The following EXOC5 variants were observed in gnomAD, a reference collection of about 807,000 sequenced individuals.
The protein encoded by EXOC5 is exocyst complex component 5.
In EXOC5, 17 loss-of-function variants were observed where a neutral mutation model predicts 90.8. The ratio of observed to expected loss-of-function variants is 0.19; its 90% CI spans 0.13 to 0.28. The LOEUF (loss-of-function observed/expected upper bound fraction) is 0.28, where lower values mean the gene tolerates loss of function less well. Ranked by LOEUF, EXOC5 falls within the 10% of genes least tolerant of loss-of-function variation. EXOC5 has a pLI of 1.00. For missense variants in EXOC5, 569 were observed against 830.6 expected (o/e 0.69, Z 3.87); for synonymous variants, 260 against 270.0 (o/e 0.96, Z 0.36).
At chr14:57,227,728 T>G (rs1045957993) in intron 12 of EXOC5, among the ~76,000 whole-genome samples, 3 of 152,186 alleles carry the variant, frequency 2.0e-5, no homozygotes, top group African/African-American at 7.2e-5. Context: ...GTAAACTGCG[T>G]ATGCGTATTC....
At chr14:57,220,065 T>C (rs182581650) in intron 13 of EXOC5, among the ~76,000 whole-genome samples, 1 of 152,208 alleles carries the variant, frequency 6.6e-6, no homozygotes, top group African/African-American at 2.4e-5. Flanking sequence ...TTTATGTTTC[T>C]AGCTAAAAGT....
chr14:57,239,581 A>T lies in EXOC5; in HGVS notation c.530+14T>A. On this transcript the variant is annotated intron_variant, in intron 5 of 17. Coordinates refer to ENST00000621441, the MANE Select transcript of EXOC5 (RefSeq NM_006544.4). The stretch of plus-strand genomic sequence containing the variant: ...TACCACATATTCAAATTAGCTCTTG[A>T]GAAATGAACTTGCCTATCAAAAGGT... 1 of 1,405,712 alleles carries T rather than the reference A, an allele frequency of 7.1e-7. No individual in the cohort carries two copies. The highest frequency in any genetic ancestry group is 9.7e-7 in the Non-Finnish European group (1 of 1,026,158). 87.1% of individuals were successfully genotyped at this position (1,405,712 alleles called of 1,614,324 possible).
chr14:57,237,820 T>C (rs1388153260), intron 5 of EXOC5: 3 of 152,798 alleles, frequency 2.0e-5, no homozygotes, highest in Non-Finnish European at 4.4e-5. Flanking sequence ...AGTTCCATCA[T>C]TATTATTCAA....
At chr14:57,252,737 A>T (rs545230302) in intron 1 of EXOC5, among the ~76,000 whole-genome samples, 3 of 152,312 alleles carry the variant, frequency 2.0e-5, no homozygotes, top group African/African-American at 7.2e-5. Flanking sequence ...GGTTCCTGAA[A>T]AAATTAAAAA....
chr14:57,247,918 T>A (rs1884076892), intron 1 of EXOC5, among the ~76,000 whole-genome samples: 2 of 152,060 alleles, frequency 1.3e-5, no homozygotes, highest in East Asian at 3.9e-4. Context: ...AATTAGGATA[T>A]TAAAATACTA....
At chr14:57,237,432 G>T in intron 5 of EXOC5, 66 bp from the exon 6 acceptor site, 1 of 1,050,688 alleles carries the variant, frequency 9.5e-7, no homozygotes, top group Non-Finnish European at 1.4e-6. Flanking sequence ...AATGTAAGAT[G>T]CTAACCAAAT....
chr14:57,268,558 C>A, intron 1 of EXOC5, 64 bp downstream of exon 1: 1 of 1,551,854 alleles, frequency 6.4e-7, no homozygotes, highest in South Asian at 1.2e-5. Context: ...CGCTCCTCGG[C>A]CCGCCCACCC....
chr14:57,250,043 A>AT (rs934444585), intron 1 of EXOC5, among the ~76,000 whole-genome samples: 2 of 152,184 alleles, frequency 1.3e-5, no homozygotes, highest in African/African-American at 4.8e-5. Flanking sequence ...AAGTGCTGAG[A>AT]TTACAGGCAT....
intron 1 of EXOC5, among the ~76,000 whole-genome samples, chr14:57,260,568 C>T (rs1039208341): frequency 1.3e-5 from 2 of 151,912 alleles, no homozygotes; most frequent in African/African-American, 2.4e-5. Flanking sequence ...TATCTCATTT[C>T]GAACAGTAAA....
chr14:57,260,424 C>T (rs79152699), intron 1 of EXOC5, among the ~76,000 whole-genome samples: 1 of 152,082 alleles, frequency 6.6e-6, no homozygotes, highest in Non-Finnish European at 1.5e-5. Flanking sequence ...AATCTTGAAG[C>T]CCTTTAAACT....
intron 4 of EXOC5, among the ~76,000 whole-genome samples, chr14:57,242,122 G>A (rs1456196905): frequency 1.5e-5 from 2 of 131,352 alleles, no homozygotes; most frequent in African/African-American, 5.8e-5. Context: ...GACAGAGCGA[G>A]ACTCCGTCTG....
chr14:57,222,414 G>C lies in EXOC5; in HGVS notation c.1299C>G (p.Leu433=). The change falls in exon 13 of 18, where the codon CTC becomes CTG. Residue 433 remains leucine, a splice_region_variant and synonymous_variant. Coordinates refer to ENST00000621441, the MANE Select transcript of EXOC5 (RefSeq NM_006544.4). Reference sequence around the variant, plus strand: ...TCCTTGGTAAGTCAGAAGGATCAGAGAGCTTAAAAACAAAAATCAAACAAT... The same window carrying C: ...TCCTTGGTAAGTCAGAAGGATCAGACAGCTTAAAAACAAAAATCAAACAAT... The part of the protein sequence containing the change: ...TKQAFERCHR[L]SDPSDLPRNA... The C allele has an allele frequency of 6.3e-7, 1 of 1,574,894 alleles. No homozygotes were observed. The highest frequency in any genetic ancestry group is 8.6e-7 in the Non-Finnish European group (1 of 1,156,366).
In EXOC5 at chr14:57,203,543, C is replaced by T. The variant is rs2075815996; in HGVS notation, c.*5066G>A. 6.6e-6 allele frequency: 1 copy of T among 152,628 alleles called. No homozygotes were observed. Among genetic ancestry groups the T allele is most frequent in the Admixed American group, 6.5e-5 (1 of 15,272 alleles). 9.5% of individuals were successfully genotyped at this position (152,628 alleles called of 1,614,324 possible). On this transcript the variant is annotated 3_prime_UTR_variant, in exon 18 of 18. Coordinates refer to ENST00000621441, the MANE Select transcript of EXOC5 (RefSeq NM_006544.4). ...AGTGGTGAAAACAAAGAAAGTCACT[C>T]ATTGGAACTATAAATGAAACTTAGC...
chr14:57,257,289 G>C (rs145105392), intron 1 of EXOC5, among the ~76,000 whole-genome samples: 3 of 152,220 alleles, frequency 2.0e-5, no homozygotes, highest in African/African-American at 7.2e-5. Context: ...TGAGGGAGCA[G>C]TGAAACAAGA....
Position 57,268,260 on chromosome 14 carries a change from C to T in EXOC5, c.27+362G>A, listed in dbSNP as rs906960617. The T allele has an allele frequency of 8.0e-6, 3 of 376,060 alleles. No individual in the cohort carries two copies. The South Asian group carries it at 9.8e-5, about 12-fold the overall frequency. 23.3% of individuals were successfully genotyped at this position (376,060 alleles called of 1,614,324 possible). ...GACTCGCCCAACCTGAGGCTCCTGGCTCTCTTTCCTCGTCCTGAGTCAGCC... is the reference window on the plus strand; with the variant it reads ...GACTCGCCCAACCTGAGGCTCCTGGTTCTCTTTCCTCGTCCTGAGTCAGCC... On this transcript the variant is annotated intron_variant, in intron 1 of 17. Coordinates refer to ENST00000621441, the MANE Select transcript of EXOC5 (RefSeq NM_006544.4).
chr14:57,257,159 T>C (rs1049869617), intron 1 of EXOC5, among the ~76,000 whole-genome samples: 2 of 151,944 alleles, frequency 1.3e-5, no homozygotes, highest in Non-Finnish European at 2.9e-5. Flanking sequence ...AGACTGGATA[T>C]GTGGAGAAAG....
chr14:57,248,852 C>T (rs1884103271), intron 1 of EXOC5, among the ~76,000 whole-genome samples: 1 of 152,046 alleles, frequency 6.6e-6, no homozygotes, highest in African/African-American at 2.4e-5. Context: ...CCCTGAAATA[C>T]AATGAACTCA....
rs751704218 is a variant in EXOC5, at chr14:57,244,158, C to T, written c.465+7G>A. On this transcript the variant is annotated splice_region_variant and intron_variant, in intron 4 of 17. Transcript: ENST00000621441. The stretch of plus-strand genomic sequence containing the variant: ...GTGATTTGGTTTTATCCTCTGACAG[C>T]ACTTACCTTTTCAGAATTTGTAAAA... 2.5e-6 allele frequency: 4 copies of T among 1,599,448 alleles called. No individual in the cohort carries two copies. The Admixed American group carries it at 5.0e-5, about 20-fold the overall frequency.
At chr14:57,237,203 A>G in intron 6 of EXOC5, 135 bp downstream of exon 6, 1 of 631,152 alleles carries the variant, frequency 1.6e-6, no homozygotes, top group Non-Finnish European at 2.9e-6. Flanking sequence ...AATCAAACTC[A>G]GGGATCTTCT....
Sources: gnomAD v4.1 joint callset for allele counts (sites outside exome capture counted in the v4.1 genomes callset) on GRCh38, gnomAD v4.1.1 for gene constraint, MANE v1.5 for transcripts, NCBI Gene and HGNC (gene_info 2026-07-23, HGNC 2026-07-21) for gene names.